The following DNAH11 variants were observed in gnomAD, a reference collection of about 807,000 sequenced individuals.
DNAH11 encodes the protein axonemal beta dynein heavy chain 11.
A neutral mutation model predicts 526.0 loss-of-function variants in DNAH11; 442 were observed. The observed-to-expected ratio is 0.84, with a 90% CI of 0.78 to 0.91. The LOEUF (loss-of-function observed/expected upper bound fraction) is 0.91. DNAH11 is among the 40% of genes least tolerant of loss of function. The pLI, the probability that DNAH11 is intolerant of heterozygous loss-of-function variation, is 0.00. For synonymous variants in DNAH11, 2,461 were observed against 1,935.9 expected, an observed-to-expected ratio of 1.27 and a Z score of -7.12; for missense variants, 6,989 against 5,448.7, an observed-to-expected ratio of 1.28 and a Z score of -8.90.
At chr7:21,740,643 C>T (rs1785840390) in intron 48 of DNAH11, among the ~76,000 whole-genome samples, 1 of 152,182 alleles carries the variant, frequency 6.6e-6, no homozygotes, top group African/African-American at 2.4e-5. Context: ...ACTTGGGTTG[C>T]TTCCACACTT....
At chr7:21,617,551 G>A (rs1583532936) in intron 22 of DNAH11, 68 bp from the exon 23 acceptor site, 7 of 1,546,432 alleles carry the variant, frequency 4.5e-6, no homozygotes, top group East Asian at 2.3e-5. Flanking sequence ...TATGTCAAAG[G>A]AGGCAAATTA....
Position 21,765,592 on chromosome 7 carries a change from A to C in DNAH11, c.9102+3A>C. 1 of 1,454,174 alleles carries C rather than the reference A, an allele frequency of 6.9e-7. No individual in the cohort carries two copies. The highest frequency in any genetic ancestry group is 2.4e-5 in the East Asian group (1 of 41,666). The allele number at this position is 1,454,174 out of a possible 1,614,324, so 90.1% of individuals were successfully genotyped here. On this transcript the variant is annotated splice_donor_region_variant and intron_variant, in intron 55 of 81. Transcript: ENST00000409508. The stretch of plus-strand genomic sequence containing the variant: ...TTGAGGAAACCAAGGGAATTGAGGT[A>C]TGCCGTGTCAGCCTGCGTCACACAC...
chr7:21,734,838 T>C (rs1336701263), intron 45 of DNAH11, among the ~76,000 whole-genome samples: 1 of 131,798 alleles, frequency 7.6e-6, no homozygotes, highest in African/African-American at 2.9e-5. Flanking sequence ...AGCCTGGGTA[T>C]AGGAGTGAGA....
chr7:21,657,744 G>C (rs1267968883), intron 29 of DNAH11, among the ~76,000 whole-genome samples: 1 of 152,180 alleles, frequency 6.6e-6, no homozygotes, highest in Non-Finnish European at 1.5e-5. Flanking sequence ...CTGAACTCAT[G>C]CATGTTAACA....
At position 21,589,216 on chromosome 7, in the gene DNAH11, G is replaced by C. The variant is rs1406301806; in HGVS notation, c.1982G>C (p.Gly661Ala). ...NFASLRYLFLGNPDHALVYQK... is the reference protein window; with the variant it reads ...NFASLRYLFLANPDHALVYQK... ...AAACCTTATTCCTACAGATTTTTGG[G>C]CAATCCTGATCACGCTTTAGTTTAT... The change falls in exon 12 of 82, where the codon GGC (glycine) becomes GCC (alanine). Residue 661 changes from glycine (G) to alanine (A), a missense_variant. Physicochemically the swap from Gly to Ala is moderately conservative, Grantham distance 60. Transcript: ENST00000409508. The C allele has an allele frequency of 1.3e-6, 2 of 1,594,940 alleles. No homozygotes were observed. The highest frequency in any genetic ancestry group is 2.3e-5 in the South Asian group (2 of 85,488).
chr7:21,813,192 T>C (rs1789610602), intron 63 of DNAH11, among the ~76,000 whole-genome samples: 1 of 124,246 alleles, frequency 8.0e-6, no homozygotes, highest in Non-Finnish European at 1.7e-5. Flanking sequence ...CCATCCAAAG[T>C]TGTTGTTTGC....
At chr7:21,632,085 C>G (rs1478855856) in intron 25 of DNAH11, among the ~76,000 whole-genome samples, 2 of 152,198 alleles carry the variant, frequency 1.3e-5, no homozygotes, top group African/African-American at 4.8e-5. Flanking sequence ...ATGGAAGCTG[C>G]CAATGCTTGA....
chr7:21,559,694 T>G lies in DNAH11; in HGVS notation c.784T>G (p.Ser262Ala), dbSNP rs759930423. 6.2e-7 allele frequency: 1 copy of G among 1,611,256 alleles called. No homozygotes were observed. Among genetic ancestry groups the G allele is most frequent in the Admixed American group, 1.7e-5 (1 of 59,706 alleles). Reference sequence around the variant, plus strand: ...AATCCAAGAAATTATAGAAAGAGATTCAGTGCAGCGTTTGTTGAATGGTCT... The same window carrying G: ...AATCCAAGAAATTATAGAAAGAGATGCAGTGCAGCGTTTGTTGAATGGTCT... ...HQIQEIIERD[S>A]VQRLLNGLHL... is the part of the protein sequence containing the mutation. The change falls in exon 4 of 82, where the codon TCA (serine) becomes GCA (alanine). Residue 262 changes from serine (S) to alanine (A), a missense_variant. Ser to Ala is a moderately conservative substitution (Grantham distance 99, BLOSUM62 1). Coordinates refer to ENST00000409508, the MANE Select transcript of DNAH11 (RefSeq NM_001277115.2).
At chr7:21,552,595 A>G (rs1037231831) in intron 2 of DNAH11, among the ~76,000 whole-genome samples, 2 of 152,206 alleles carry the variant, frequency 1.3e-5, no homozygotes, top group Non-Finnish European at 2.9e-5. Context: ...TTAAAAGATT[A>G]TCTGTGTATT....
Position 21,826,483 on chromosome 7 carries a change from A to C in DNAH11, c.10691+8144A>C, listed in dbSNP as rs147464830. ...TTTAATAATAGAGCTACTGATTTGC[A>C]GTGTTATAACAAGAACAGAAAATTT... On this transcript the variant is annotated intron_variant, in intron 65 of 81. Transcript: ENST00000409508. Among the ~76,000 whole-genome samples the C allele has an allele frequency of 2.0e-4, 30 of 152,358 alleles. 1 individual carries two copies. The East Asian group carries it at 5.8e-3, about 29-fold the overall frequency.
intron 44 of DNAH11, among the ~76,000 whole-genome samples, chr7:21,722,104 G>A (rs1479285907): frequency 6.6e-6 from 1 of 152,142 alleles, no homozygotes; most frequent in Non-Finnish European, 1.5e-5. Context: ...TTCAACTTTA[G>A]AAATTTGCAG....
At chr7:21,856,161 T>C (rs562966885) in intron 68 of DNAH11, among the ~76,000 whole-genome samples, 2 of 152,196 alleles carry the variant, frequency 1.3e-5, no homozygotes, top group Non-Finnish European at 2.9e-5. Context: ...ACGCAGAGTT[T>C]TGTAGACCAC....
intron 79 of DNAH11, among the ~76,000 whole-genome samples, chr7:21,898,775 T>A (rs1020135121): frequency 1.3e-5 from 2 of 152,226 alleles, no homozygotes; most frequent in African/African-American, 2.4e-5. Context: ...CCCACCGGCG[T>A]GCCATTCCTG....
intron 40 of DNAH11, 111 bp from the exon 41 acceptor site, chr7:21,710,442 G>T (rs72657348): frequency 5.4e-5 from 49 of 905,554 alleles, no homozygotes; most frequent in Non-Finnish European, 7.7e-5. Context: ...CACACTGCCC[G>T]CAAGAAAGAG....
At chr7:21,781,482 A>G (rs1787938784) in intron 57 of DNAH11, among the ~76,000 whole-genome samples, 1 of 152,172 alleles carries the variant, frequency 6.6e-6, no homozygotes, top group South Asian at 2.1e-4. Context: ...CCAAATTCTA[A>G]AATGCTGAGA....
In DNAH11 at chr7:21,732,021, G is replaced by T. The variant is rs188560509; in HGVS notation, c.7441-3619G>T. Among the ~76,000 whole-genome samples the T allele has an allele frequency of 3.9e-5, 6 of 152,286 alleles. No individual in the cohort carries two copies. The East Asian group carries it at 9.6e-4, about 24-fold the overall frequency. On this transcript the variant is annotated intron_variant, in intron 45 of 81. Coordinates refer to ENST00000409508, the MANE Select transcript of DNAH11 (RefSeq NM_001277115.2). The stretch of plus-strand genomic sequence containing the variant: ...GAAAAAACAGTATATATGGGGTTCT[G>T]TACCGTCTGTGGTTTCAGGCATTCC...
chr7:21,841,191 C>CA (rs1363246609), intron 65 of DNAH11, among the ~76,000 whole-genome samples: 2 of 151,176 alleles, frequency 1.3e-5, no homozygotes, highest in Admixed American at 6.6e-5. Flanking sequence ...CACACACACA[C>CA]AAAAAAGAAT....
chr7:21,545,400 C>A (rs529791629), intron 2 of DNAH11, among the ~76,000 whole-genome samples: 1 of 151,170 alleles, frequency 6.6e-6, no homozygotes, highest in African/African-American at 2.4e-5. Context: ...CAACAGGTGG[C>A]AATTGCAGGG....
At position 21,619,215 on chromosome 7, in the gene DNAH11, C is replaced by G. The variant is rs200220615; in HGVS notation, c.4370C>G (p.Thr1457Ser). The G allele has an allele frequency of 1.2e-6, 2 of 1,612,692 alleles. No homozygotes were observed. The highest frequency in any genetic ancestry group is 2.2e-5 in the South Asian group (2 of 90,930). Residue 1457 changes from threonine to serine, a missense_variant, in exon 24 of 82, where the codon ACT becomes AGT. By Grantham distance (58) the Thr-to-Ser change is moderately conservative. Coordinates refer to ENST00000409508, the MANE Select transcript of DNAH11 (RefSeq NM_001277115.2). ...GACAAGGCGGTGAAAGAGCTGGGGA[C>G]TGAGAAGGTAGTGTCCTCGGGACTG... The part of the protein sequence containing the change: ...IVDKAVKELG[T>S]EKVITEISQT...
Sources: allele counts gnomAD v4.1 joint callset (sites outside exome capture counted in the v4.1 genomes callset), GRCh38; gene constraint gnomAD v4.1.1; transcripts MANE v1.5; gene names NCBI Gene and HGNC (gene_info 2026-07-23, HGNC 2026-07-21).